ADCY6: variants seen among roughly 807,000 people sequenced by gnomAD.
ADCY6 encodes adenylate cyclase type 6.
Under a neutral mutation model 111.6 loss-of-function variants are expected in ADCY6, and 59 were observed. The ratio of observed to expected loss-of-function variants is 0.53; its 90% CI spans 0.43 to 0.66. ADCY6 has a LOEUF of 0.66. Among genes scored for constraint, ADCY6 ranks in the 30% least tolerant of loss-of-function variants. The pLI, the probability that ADCY6 is intolerant of heterozygous loss-of-function variation, is 0.00. For synonymous variants in ADCY6, 576 were observed against 642.9 expected (o/e 0.90, Z 1.57); for missense variants, 1,242 against 1,595.6 (o/e 0.78, Z 3.78).
rs1011305994 is a variant in ADCY6 at position 48,768,661 on chromosome 12, C to T, written c.3437G>A (p.Arg1146Gln). The T allele has an allele frequency of 3.1e-6, 5 of 1,614,050 alleles. No homozygotes were observed. The highest frequency in any genetic ancestry group is 1.3e-5 in the African/African-American group (1 of 74,922). Reference protein sequence around the residue: ...LAAKGYQLECRGVVKVKGKGE... With the variant: ...LAAKGYQLECQGVVKVKGKGE... ...CTTGCCCTTCACCTTGACCACCCCT[C>T]GACACTCCAGCTGGTAGCCCTTGGC... is the stretch of plus-strand genomic sequence containing the variant. Residue 1146 changes from arginine to glutamine, a missense_variant, in exon 22 of 22, where the codon CGA becomes CAA. Around this residue, in one of 4 missense-constraint regions of ADCY6, gnomAD observed 245 missense variants for 371.3 expected, o/e 0.66. Transcript: ENST00000357869.
rs1472345911 is a variant in ADCY6 at position 48,766,881 on chromosome 12, G to A, written c.*1710C>T. 1 of 152,352 alleles carries A rather than the reference G, an allele frequency of 6.6e-6. No homozygotes were observed. Among genetic ancestry groups the A allele is most frequent in the Non-Finnish European group, 1.5e-5 (1 of 68,154 alleles). 9.4% of individuals were successfully genotyped at this position (152,352 alleles called of 1,614,324 possible). ...AAATAGGTACAGACAGAGAAACTGAGGCACCAACAAATTCAGGCCAGAGTC... is the reference window on the plus strand; with the variant it reads ...AAATAGGTACAGACAGAGAAACTGAAGCACCAACAAATTCAGGCCAGAGTC... On this transcript the variant is annotated 3_prime_UTR_variant, in exon 22 of 22. Transcript: ENST00000357869.
chr12:48,770,274 G>A (rs1941499889), intron 20 of ADCY6, among the ~76,000 whole-genome samples: 1 of 152,056 alleles, frequency 6.6e-6, no homozygotes, highest in Non-Finnish European at 1.5e-5. Flanking sequence ...GGTAACTGAA[G>A]CTTAGAGAAG....
At position 48,784,759 on chromosome 12, in the gene ADCY6, G is replaced by A. The variant is rs555524038; in HGVS notation, c.-4-1321C>T. Among the ~76,000 whole-genome samples the A allele has an allele frequency of 1.2e-4, 16 of 136,298 alleles. No individual in the cohort carries two copies. In the South Asian group the frequency reaches 3.7e-3, roughly 32 times the overall value. The allele number at this position is 136,298 out of a possible 152,430, so 89.4% of individuals were successfully genotyped here. On this transcript the variant is annotated intron_variant, in intron 1 of 21. Transcript: ENST00000357869. ...ACGATCTTGGCTCACTGCAAGCTCCGCCTCCCGGGTTCACACCATTCAGCC... is the reference window on the plus strand; with the variant it reads ...ACGATCTTGGCTCACTGCAAGCTCCACCTCCCGGGTTCACACCATTCAGCC...
intron 2 of ADCY6, among the ~76,000 whole-genome samples, chr12:48,779,699 T>C (rs1471044104): frequency 6.6e-6 from 1 of 152,178 alleles, no homozygotes; most frequent in African/African-American, 2.4e-5. Flanking sequence ...GGAATTAACC[T>C]GGAGCTTGCG....
In ADCY6 at chr12:48,783,003, G is replaced by T; in HGVS notation, c.432C>A (p.Phe144Leu). Residue 144 changes from phenylalanine (F) to leucine (L), a missense_variant, in exon 2 of 22, where the codon TTC becomes TTA. By Grantham distance (22) the Phe-to-Leu change is conservative. This residue lies in a region of ADCY6 where 362 missense variants were observed against 377.2 expected (regional missense o/e 0.96). Transcript: ENST00000357869. The part of the protein sequence containing the change: ...AKLERLYQRY[F>L]FQMNQSSLTL... ...TCAGGCTGCTCTGGTTCATCTGGAA[G>T]AAGTACCGCTGGTACAGGCGCTCCA... The T allele has an allele frequency of 6.2e-7, 1 of 1,613,778 alleles. No homozygotes were observed. Among genetic ancestry groups the T allele is most frequent in the Non-Finnish European group, 8.5e-7 (1 of 1,179,926 alleles).
At chr12:48,788,524 G>A (rs1942023882) in intron 1 of ADCY6, among the ~76,000 whole-genome samples, 1 of 152,008 alleles carries the variant, frequency 6.6e-6, no homozygotes, top group Non-Finnish European at 1.5e-5. Flanking sequence ...CTCTGCCCAG[G>A]CCGGTTCCTC....
In ADCY6 at chr12:48,774,482, T is replaced by C. The variant is rs1329222411; in HGVS notation, c.2203A>G (p.Ile735Val). 2 of 1,613,854 alleles carry C rather than the reference T, an allele frequency of 1.2e-6. No homozygotes were observed. The highest frequency in any genetic ancestry group is 1.7e-5 in the Admixed American group (1 of 59,994). The change falls in exon 14 of 22, where the codon ATT becomes GTT. Residue 735 changes from isoleucine (I) to valine (V), a missense_variant. Ile to Val is a conservative substitution (Grantham distance 29). Around this residue, in one of 4 missense-constraint regions of ADCY6, gnomAD observed 375 missense variants for 432.5 expected, o/e 0.87. Transcript: ENST00000357869. Reference protein sequence around the residue: ...PKALQRLSRSIVRSRAHSTAV... With the variant: ...PKALQRLSRSVVRSRAHSTAV... ...GTGCTATGTGCCCGTGAGCGGACAA[T>C]GCTGCGGGACAGACGTTGCAGGGCC... is the stretch of plus-strand genomic sequence containing the variant.
intron 16 of ADCY6, among the ~76,000 whole-genome samples, chr12:48,772,748 A>T (rs1295306109): frequency 5.3e-5 from 8 of 152,232 alleles, no homozygotes; most frequent in Non-Finnish European, 1.0e-4. Context: ...CTTACCAGCT[A>T]TGTGACCTGA....
chr12:48,772,361 C>G lies in ADCY6; in HGVS notation c.2721G>C (p.Leu907=), dbSNP rs772280529. 6.2e-7 allele frequency: 1 copy of G among 1,614,180 alleles called. No individual in the cohort carries two copies. Among genetic ancestry groups the G allele is most frequent in the South Asian group, 1.1e-5 (1 of 91,080 alleles). ...MTPVILLVFA[L]ALYLHAQQVE... Reference sequence around the variant, plus strand: ...CCTGCTGAGCATGCAGATACAGCGCCAGCGCAAACACCAGCAGAATCACAG... The same window carrying G: ...CCTGCTGAGCATGCAGATACAGCGCGAGCGCAAACACCAGCAGAATCACAG... Residue 907 remains leucine (L), a synonymous_variant, in exon 18 of 22, where the codon CTG becomes CTC. Coordinates refer to ENST00000357869, the MANE Select transcript of ADCY6 (RefSeq NM_015270.5).
At chr12:48,789,425 A>C (rs1592169222), upstream of ADCY6, among the ~76,000 whole-genome samples, 2 of 146,568 alleles carry the variant, frequency 1.4e-5, no homozygotes, top group Non-Finnish European at 1.5e-5. Flanking sequence ...TCCCGCCCTC[A>C]CCCCGGGGGT....
Position 48,767,358 on chromosome 12 carries a change from C to G in ADCY6, c.*1233G>C, listed in dbSNP as rs1202000738. 1 of 152,716 alleles carries G rather than the reference C, an allele frequency of 6.5e-6. No individual in the cohort carries two copies. Among genetic ancestry groups the G allele is most frequent in the Admixed American group, 6.5e-5 (1 of 15,286 alleles). The allele number at this position is 152,716 out of a possible 1,614,324, so 9.5% of individuals were successfully genotyped here. ...ACTCCTCTCCCTCCTTTTGCTACCACACCCCATCCCACTCCTGTGCAACCT... is the reference window on the plus strand; with the variant it reads ...ACTCCTCTCCCTCCTTTTGCTACCAGACCCCATCCCACTCCTGTGCAACCT... On this transcript the variant is annotated 3_prime_UTR_variant, in exon 22 of 22. Transcript: ENST00000357869.
At position 48,776,075 on chromosome 12, in the gene ADCY6, A is replaced by G. The variant is rs1941692203; in HGVS notation, c.1694T>C (p.Met565Thr). The G allele has an allele frequency of 1.2e-6, 2 of 1,613,658 alleles. No individual in the cohort carries two copies. Among genetic ancestry groups the G allele is most frequent in the Admixed American group, 1.7e-5 (1 of 59,962 alleles). ...ASQKRKEEKA[M>T]LAKLQRTRAN... is the part of the protein sequence containing the mutation. ...CCGAGTCCGCTGCAGCTTGGCCAGC[A>G]TGGCCTTCTCCTCTTTCTGTGCGGG... The change falls in exon 9 of 22, where the codon ATG becomes ACG. Residue 565 changes from methionine to threonine, a missense_variant. Met to Thr is a moderately conservative substitution (Grantham distance 81). Coordinates refer to ENST00000357869, the MANE Select transcript of ADCY6 (RefSeq NM_015270.5). This position sits in a 1 kb window ranked among gnomAD's most constrained non-coding sequence, Gnocchi z 6.1.
At chr12:48,778,871 C>CTTTTT (rs1941774060) in intron 2 of ADCY6, among the ~76,000 whole-genome samples, 3 of 111,646 alleles carry the variant, frequency 2.7e-5, no homozygotes, top group African/African-American at 1.2e-4. Context: ...CTGAATAACA[C>CTTTTT]ATTTTTTTTT....
rs549003118 is a variant in ADCY6, at chr12:48,772,092, G to A, written c.2788-119C>T. 6.8e-5 allele frequency: 97 copies of A among 1,428,654 alleles called. No individual in the cohort carries two copies. The African/African-American group carries it at 1.1e-3, about 16-fold the overall frequency. 88.5% of individuals were successfully genotyped at this position (1,428,654 alleles called of 1,614,324 possible). A position where few individuals can be genotyped will look rare whatever the true frequency, so the allele number is the denominator to read the frequency against. Reference sequence around the variant, plus strand: ...TAGAGAAAGAAAGGCCCAGACAGATGAGGCCTAAAGAACAGGCAAAGGGGT... The same window carrying A: ...TAGAGAAAGAAAGGCCCAGACAGATAAGGCCTAAAGAACAGGCAAAGGGGT... On this transcript the variant is annotated intron_variant, in intron 18 of 21. Transcript: ENST00000357869.
In ADCY6 at chr12:48,782,685, G is replaced by A. The variant is rs773316193; in HGVS notation, c.750C>T (p.Tyr250=). 3.1e-6 allele frequency: 5 copies of A among 1,591,502 alleles called. No homozygotes were observed. The African/African-American group carries it at 5.4e-5, about 17-fold the overall frequency. The change falls in exon 2 of 22, where the codon TAC becomes TAT. Residue 250 remains tyrosine (Y), a synonymous_variant. Coordinates refer to ENST00000357869, the MANE Select transcript of ADCY6 (RefSeq NM_015270.5). The surrounding 1 kb of genome is among the most constrained non-coding windows in gnomAD (Gnocchi z 4.3). ...WCPVFFVYIA[Y]TLLPIRMRAA... is the part of the protein sequence containing the mutation. ...CCCGCATGCGGATGGGGAGGAGCGT[G>A]TAGGCGATGTAGACAAAGAACACAG...
Position 48,777,140 on chromosome 12 carries a change from C to G in ADCY6, c.1340G>C (p.Cys447Ser). ...PEARADHAHC[C>S]VEMGVDMIEA... ...AATCATGTCTACCCCCATCTCCACA[C>G]AGCAGTGGGCATGGTCGGCCCGGGC... is the stretch of plus-strand genomic sequence containing the variant. Residue 447 changes from cysteine (C) to serine (S), a missense_variant, in exon 6 of 22, where the codon TGT (cysteine) becomes TCT (serine). Transcript: ENST00000357869. The surrounding 1 kb of genome is among the most constrained non-coding windows in gnomAD (Gnocchi z 4.9). The G allele has an allele frequency of 6.2e-7, 1 of 1,613,580 alleles. No individual in the cohort carries two copies. The highest frequency in any genetic ancestry group is 8.5e-7 in the Non-Finnish European group (1 of 1,179,656).
At chr12:48,772,051 A>C in intron 18 of ADCY6, 78 bp from the exon 19 acceptor site, 1 of 1,523,462 alleles carries the variant, frequency 6.6e-7, no homozygotes. Flanking sequence ...GGAAGTGCGG[A>C]TAAGAGGGAA....
chr12:48,769,759 GTTTTT>G (rs1238353646), intron 20 of ADCY6, among the ~76,000 whole-genome samples: 1 of 103,794 alleles, frequency 9.6e-6, no homozygotes, highest in South Asian at 3.2e-4. Context: ...ACTAATTTTT[GTTTTT>G]TTTTTTTTTT....
rs1185214019 is a variant in ADCY6 at position 48,788,689 on chromosome 12, G to T, written c.-5+217C>A. 1.3e-5 allele frequency among the ~76,000 whole-genome samples: 2 copies of T among 152,064 alleles called. 1 individual carries two copies. The highest frequency in any genetic ancestry group is 4.1e-4 in the South Asian group (2 of 4,826). ...GGAGGGAGGCAGGCGGCGGGCGACGGGGGTGGCGAGCGCCGGACCTAGGAG... is the reference window on the plus strand; with the variant it reads ...GGAGGGAGGCAGGCGGCGGGCGACGTGGGTGGCGAGCGCCGGACCTAGGAG... On this transcript the variant is annotated intron_variant, in intron 1 of 21. Coordinates refer to ENST00000357869, the MANE Select transcript of ADCY6 (RefSeq NM_015270.5).
Sources: gnomAD v4.1 joint callset for allele counts (sites outside exome capture counted in the v4.1 genomes callset) on GRCh38, gnomAD v4.1.1 for gene constraint, gnomAD v4.1.1 regional missense constraint, Gnocchi (gnomAD v3.1) non-coding constraint, MANE v1.5 for transcripts, NCBI Gene and HGNC (gene_info 2026-07-23, HGNC 2026-07-21) for gene names.